Variants in ZBTB7C observed in about 807,000 individuals in gnomAD.
The protein encoded by ZBTB7C is zinc finger and BTB domain containing 7C, also known as zinc finger and BTB domain-containing protein 7C.
In ZBTB7C, 8 loss-of-function variants were observed where a neutral mutation model predicts 25.7. The observed-to-expected ratio is 0.31, with a 90% confidence interval of 0.18 to 0.56. The LOEUF is 0.56. Ranked by LOEUF, ZBTB7C falls within the 20% of genes least tolerant of loss-of-function variation. The probability of loss-of-function intolerance (pLI) is 0.91; values close to 1 mark genes in which losing one functional copy is unlikely to be tolerated. For synonymous variants in ZBTB7C, 394 were observed against 369.0 expected (o/e 1.07, Z -0.78); for missense variants, 824 against 855.2 (o/e 0.96, Z 0.46).
intron 2 of ZBTB7C, among the ~76,000 whole-genome samples, chr18:48,228,543 C>T (rs571455783): frequency 2.6e-5 from 4 of 152,094 alleles, no homozygotes; most frequent in Admixed American, 6.5e-5. Flanking sequence ...CTCACTGCTC[C>T]ACCCACCAGC....
chr18:48,217,713 C>A lies in ZBTB7C; in HGVS notation c.-78-31718G>T, dbSNP rs78156995. 3.5e-3 allele frequency among the ~76,000 whole-genome samples: 535 copies of A among 152,276 alleles called. 3 individuals carry two copies. The highest frequency in any genetic ancestry group is 0.019 in the East Asian group (97 of 5,178). ...CATCACGGCACTAACCCCACTGCCC[C>A]AACTCACAGGGCCCTATCACTAGGC... On this transcript the variant is annotated intron_variant, in intron 2 of 4. Transcript: ENST00000590800.
chr18:48,084,151 C>T (rs146709869), intron 3 of ZBTB7C, among the ~76,000 whole-genome samples: 1 of 152,282 alleles, frequency 6.6e-6, no homozygotes, highest in East Asian at 1.9e-4. Context: ...GGGCACGTCT[C>T]CTAGCCCCGG....
chr18:48,397,145 T>G (rs1396899843), intron 1 of ZBTB7C, among the ~76,000 whole-genome samples: 1 of 152,220 alleles, frequency 6.6e-6, no homozygotes, highest in Non-Finnish European at 1.5e-5. Flanking sequence ...TGTTTAAGGC[T>G]AAAATGGAAA....
At chr18:48,125,263 A>T (rs1053994871) in intron 3 of ZBTB7C, among the ~76,000 whole-genome samples, 2 of 152,176 alleles carry the variant, frequency 1.3e-5, no homozygotes, top group Non-Finnish European at 2.9e-5. Context: ...GGGAACCCAG[A>T]TCTAAGTGGA....
intron 2 of ZBTB7C, among the ~76,000 whole-genome samples, chr18:48,190,339 G>A (rs569046125): frequency 5.0e-4 from 76 of 152,284 alleles, no homozygotes; most frequent in Non-Finnish European, 8.4e-4. Flanking sequence ...ATTTTCCCAC[G>A]TATGTATCAG....
intron 1 of ZBTB7C, among the ~76,000 whole-genome samples, chr18:48,367,228 CACACAT>C (rs1248378423): frequency 1.2e-5 from 1 of 85,288 alleles, no homozygotes; most frequent in African/African-American, 3.7e-5. Flanking sequence ...CACACACACA[CACACAT>C]ACATACACAC....
chr18:48,122,775 GGAA>G lies in ZBTB7C; in HGVS notation c.-17+63156_-17+63158del, dbSNP rs771190164. 3.1e-3 allele frequency among the ~76,000 whole-genome samples: 477 copies of G among 152,286 alleles called. 1 individual carries two copies. Among genetic ancestry groups the G allele is most frequent in the Non-Finnish European group, 5.2e-3 (354 of 68,016 alleles). On this transcript the variant is annotated intron_variant, in intron 3 of 4. Transcript: ENST00000590800. ...GCTGTACATTCAGTCCAACCCAGGAGGAAGAAGAACTGCTCACACCTGAGCCTC... is the reference window on the plus strand; with the variant it reads ...GCTGTACATTCAGTCCAACCCAGGAGGAAGAACTGCTCACACCTGAGCCTC...
intron 1 of ZBTB7C, among the ~76,000 whole-genome samples, chr18:48,376,808 C>A (rs534536098): frequency 1.8e-4 from 28 of 152,212 alleles, no homozygotes; most frequent in Non-Finnish European, 3.1e-4. Context: ...GAGAGCTACC[C>A]CAGGCATCAA....
intron 3 of ZBTB7C, among the ~76,000 whole-genome samples, chr18:48,169,206 C>G (rs1159829490): frequency 4.6e-5 from 7 of 152,188 alleles, no homozygotes; most frequent in African/African-American, 1.7e-4. Flanking sequence ...CACGCATTGT[C>G]CCATCTTTTT....
At chr18:48,182,095 C>T (rs978740140) in intron 3 of ZBTB7C, among the ~76,000 whole-genome samples, 3 of 152,164 alleles carry the variant, frequency 2.0e-5, no homozygotes, top group African/African-American at 4.8e-5. Context: ...GGAAACTCCA[C>T]CAATTTGATG....
intron 3 of ZBTB7C, among the ~76,000 whole-genome samples, chr18:48,161,497 G>A (rs377498942): frequency 6.6e-6 from 1 of 152,040 alleles, no homozygotes; most frequent in Non-Finnish European, 1.5e-5. Context: ...CCAGTTCGCC[G>A]GGCCCACGCT....
At chr18:48,220,364 G>A (rs1193920656) in intron 2 of ZBTB7C, among the ~76,000 whole-genome samples, 1 of 152,182 alleles carries the variant, frequency 6.6e-6, no homozygotes, top group Non-Finnish European at 1.5e-5. Context: ...GAGCTCCTCA[G>A]AGATGCTGGG....
chr18:48,235,469 T>G (rs2043355024), intron 2 of ZBTB7C, among the ~76,000 whole-genome samples: 1 of 151,036 alleles, frequency 6.6e-6, no homozygotes, highest in Admixed American at 6.6e-5. Flanking sequence ...ATTTTAGATG[T>G]ATCTCATTTT....
rs570976551 is a variant in ZBTB7C, at chr18:48,370,694, G to A, written c.-303-32296C>T. ...CCTCCCAGAAGATGTGTCGATCAAGGTAACACTCTCAACACACACGCACAT... is the reference window on the plus strand; with the variant it reads ...CCTCCCAGAAGATGTGTCGATCAAGATAACACTCTCAACACACACGCACAT... On this transcript the variant is annotated intron_variant, in intron 1 of 4. Coordinates refer to ENST00000590800, the MANE Select transcript of ZBTB7C (RefSeq NM_001318841.2). Among the ~76,000 whole-genome samples, 3 of 151,956 alleles carry A rather than the reference G, an allele frequency of 2.0e-5. No homozygotes were observed. In the East Asian group the frequency reaches 5.8e-4, roughly 29 times the overall value.
rs557037147 is a variant in ZBTB7C, at chr18:48,111,614, C to CTCTGTTT, written c.-16-70498_-16-70492dup. 3.7e-3 allele frequency among the ~76,000 whole-genome samples: 561 copies of CTCTGTTT among 152,250 alleles called. 2 individuals are homozygous for CTCTGTTT. The highest frequency in any genetic ancestry group is 6.6e-3 in the Admixed American group (101 of 15,298). ...GCAGGAGGGAGGTGTGGGAGGCATG[C>CTCTGTTT]TCTGTTTTCACCTGGGATGGGAGAG... On this transcript the variant is annotated intron_variant, in intron 3 of 4. Transcript: ENST00000590800.
intron 3 of ZBTB7C, among the ~76,000 whole-genome samples, chr18:48,078,934 GTTCA>G (rs61032572): frequency 0.037 from 5,559 of 152,120 alleles, 340 homozygotes; most frequent in African/African-American, 0.13. Context: ...ATCACAATTT[GTTCA>G]TTCATTCATT....
intron 3 of ZBTB7C, among the ~76,000 whole-genome samples, chr18:48,163,769 C>T (rs2041150704): frequency 6.6e-6 from 1 of 152,224 alleles, no homozygotes; most frequent in South Asian, 2.1e-4. Flanking sequence ...GTGACCAAGG[C>T]CATCCAAAGT....
At chr18:48,083,289 A>T (rs758269251) in intron 3 of ZBTB7C, among the ~76,000 whole-genome samples, 1 of 152,102 alleles carries the variant, frequency 6.6e-6, no homozygotes, top group Non-Finnish European at 1.5e-5. Flanking sequence ...TTGATTTCCA[A>T]GTAGCCCTCT....
At chr18:48,159,785 A>G (rs2040945403) in intron 3 of ZBTB7C, among the ~76,000 whole-genome samples, 2 of 152,208 alleles carry the variant, frequency 1.3e-5, no homozygotes, top group Non-Finnish European at 2.9e-5. Context: ...CCCACATGCC[A>G]TAGTAGTCAA....
Sources: allele counts gnomAD v4.1 joint callset (sites outside exome capture counted in the v4.1 genomes callset), GRCh38; gene constraint gnomAD v4.1.1; transcripts MANE v1.5; gene names NCBI Gene and HGNC (gene_info 2026-07-23, HGNC 2026-07-21).